Variants in STK40 observed in about 807,000 individuals in gnomAD.
STK40 encodes the protein serine/threonine kinase 40.
Under a neutral mutation model 47.9 loss-of-function variants are expected in STK40, and 13 were observed. The ratio of observed to expected loss-of-function variants is 0.27; its 90% confidence interval spans 0.18 to 0.43. The LOEUF (loss-of-function observed/expected upper bound fraction) is 0.43. Ranked by LOEUF, STK40 falls within the 20% of genes least tolerant of loss-of-function variation. STK40 has a pLI of 1.00. For synonymous variants in STK40, 225 were observed against 243.2 expected (o/e 0.93, Z 0.69); for missense variants, 460 against 595.1 (o/e 0.77, Z 2.36).
chr1:36,358,347 T>C lies in STK40; in HGVS notation c.234A>G (p.Ile78Met), dbSNP rs770896484. 1 of 1,608,504 alleles carries C rather than the reference T, an allele frequency of 6.2e-7. No homozygotes were observed. Among genetic ancestry groups the C allele is most frequent in the South Asian group, 1.1e-5 (1 of 90,956 alleles). ...TGCCCTGCCGCTCTTCCTGGCTCTC[T>C]ATGCCTTGGTCCCCCCTCTCCTCCA... is the stretch of plus-strand genomic sequence containing the variant. ...LTLEERGDQG[I>M]ESQEERQGKM... The change falls in exon 4 of 11, where the codon ATA becomes ATG. Residue 78 changes from isoleucine (I) to methionine (M), a missense_variant. By Grantham distance (10) the Ile-to-Met change is conservative. Coordinates refer to ENST00000373132, the MANE Select transcript of STK40 (RefSeq NM_001282547.2).
At chr1:36,351,826 T>A (rs987750678) in intron 6 of STK40, among the ~76,000 whole-genome samples, 14 of 152,208 alleles carry the variant, frequency 9.2e-5, no homozygotes, top group Admixed American at 3.9e-4. Flanking sequence ...TTAGCAGGCA[T>A]GAGCCCGGCA....
intron 1 of STK40, among the ~76,000 whole-genome samples, chr1:36,363,912 G>T (rs570613872): frequency 6.6e-6 from 1 of 152,092 alleles, no homozygotes; most frequent in Admixed American, 6.6e-5. Context: ...AGCACTTTGG[G>T]AGGCCAAGGA....
chr1:36,367,234 G>A (rs1238921191), intron 1 of STK40, among the ~76,000 whole-genome samples: 1 of 152,090 alleles, frequency 6.6e-6, no homozygotes, highest in Non-Finnish European at 1.5e-5. Context: ...CAACAATGAG[G>A]GTGAGGGGAG....
intron 7 of STK40, among the ~76,000 whole-genome samples, chr1:36,348,413 TCA>T (rs1409776528): frequency 6.6e-6 from 1 of 152,236 alleles, no homozygotes; most frequent in Non-Finnish European, 1.5e-5. Flanking sequence ...AGCTCAACTG[TCA>T]CACCTTGTGG....
chr1:36,381,366 T>A (rs1647037754), intron 1 of STK40, among the ~76,000 whole-genome samples: 1 of 152,354 alleles, frequency 6.6e-6, no homozygotes, highest in East Asian at 1.9e-4. Flanking sequence ...CTAGAACTCC[T>A]GTGGTTCCTA....
intron 1 of STK40, among the ~76,000 whole-genome samples, chr1:36,381,881 C>CTA (rs1356564987): frequency 2.0e-5 from 3 of 152,134 alleles, no homozygotes; most frequent in Non-Finnish European, 4.4e-5. Flanking sequence ...CCCCCACATG[C>CTA]TATAGACTTC....
rs949864906 is a variant in STK40, at chr1:36,344,261, C to T, written c.743G>A (p.Arg248Gln). The change falls in exon 8 of 11, where the codon CGG (arginine) becomes CAG (glutamine). Residue 248 changes from arginine (R) to glutamine (Q), a missense_variant. This residue lies in a region of STK40 where 277 missense variants were observed against 358.7 expected (regional missense o/e 0.77). Coordinates refer to ENST00000373132, the MANE Select transcript of STK40 (RefSeq NM_001282547.2). ...GTCACTGGGCTTGCCACGGTACGGC[C>T]GGCCTACGGGCACACACATACCACA... ...AYISPDVLSG[R>Q]PYRGKPSDMW... The T allele has an allele frequency of 4.4e-6, 7 of 1,598,902 alleles. No individual in the cohort carries two copies. The highest frequency in any genetic ancestry group is 2.2e-5 in the East Asian group (1 of 44,820).
Position 36,383,253 on chromosome 1 carries a change from C to T in STK40, c.-9+2470G>A, listed in dbSNP as rs1647056069. Among the ~76,000 whole-genome samples, 5 of 152,352 alleles carry T rather than the reference C, an allele frequency of 3.3e-5. 2 individuals carry two copies. The South Asian group carries it at 1.0e-3, about 32-fold the overall frequency. On this transcript the variant is annotated intron_variant, in intron 1 of 10. Coordinates refer to ENST00000373132, the MANE Select transcript of STK40 (RefSeq NM_001282547.2). ...GCCATCATACCCGGCCTCAAATAAC[C>T]TCTTAACTATTACAATCTACTGCCT...
At chr1:36,363,692 G>A (rs1000000046) in intron 1 of STK40, among the ~76,000 whole-genome samples, 3 of 151,092 alleles carry the variant, frequency 2.0e-5, no homozygotes, top group African/African-American at 7.3e-5. Context: ...GCGGGCCCCT[G>A]TAGTCCCAGC....
At chr1:36,344,014 G>A in intron 8 of STK40, 35 bp from the exon 9 acceptor site, 1 of 1,594,508 alleles carries the variant, frequency 6.3e-7, no homozygotes, top group Non-Finnish European at 8.6e-7. Context: ...GGCTCAGTGG[G>A]TGGTGCTGGG....
intron 1 of STK40, among the ~76,000 whole-genome samples, chr1:36,376,036 A>AC (rs952651404): frequency 6.6e-6 from 1 of 152,162 alleles, no homozygotes; most frequent in African/African-American, 2.4e-5. Flanking sequence ...AAAAAAAAAA[A>AC]ATTCACGACT....
intron 1 of STK40, among the ~76,000 whole-genome samples, chr1:36,367,011 T>G (rs995412631): frequency 1.3e-5 from 2 of 151,090 alleles, no homozygotes; most frequent in Admixed American, 6.6e-5. Context: ...ATTTTTTTTT[T>G]TTTTTTTTGT....
chr1:36,367,221 A>G (rs1646910380), intron 1 of STK40, among the ~76,000 whole-genome samples: 1 of 152,090 alleles, frequency 6.6e-6, no homozygotes, highest in Admixed American at 6.5e-5. Flanking sequence ...AAGCTCAGAG[A>G]GGCAACAATG....
rs1646822376 is a variant in STK40, at chr1:36,358,281, C to A, written c.300G>T (p.Leu100=). The A allele has an allele frequency of 6.2e-7, 1 of 1,605,760 alleles. No individual in the cohort carries two copies. Among genetic ancestry groups the A allele is most frequent in the Non-Finnish European group, 8.5e-7 (1 of 1,173,070 alleles). Residue 100 remains leucine (L), a synonymous_variant, in exon 4 of 11, where the codon CTG becomes CTT. Coordinates refer to ENST00000373132, the MANE Select transcript of STK40 (RefSeq NM_001282547.2). ...LHTEYSLLSL[L]HTQDGVVHHH... The stretch of plus-strand genomic sequence containing the variant: ...GGTGCACCACGCCATCCTGCGTGTG[C>A]AGGAGAGACAGCAGTGAGTACTCGG...
In STK40 at chr1:36,343,380, G is replaced by A. The variant is rs534849916; in HGVS notation, c.1073C>T (p.Ala358Val). The A allele has an allele frequency of 2.3e-5, 37 of 1,613,116 alleles. No homozygotes were observed. The highest frequency in any genetic ancestry group is 1.7e-4 in the South Asian group (15 of 90,742). Residue 358 changes from alanine to valine, a missense_variant, in exon 10 of 11, where the codon GCG becomes GTG. This residue lies in a region of STK40 where 181 missense variants were observed against 218.9 expected (regional missense o/e 0.83). Transcript: ENST00000373132. The stretch of plus-strand genomic sequence containing the variant: ...CCAACTCACCTCCTGGGAGCTATCC[G>A]CATTGCTCATTTGGTCATCAATGTC... ...VPDIDDQMSN[A>V]DSSQEAKVTE...
chr1:36,381,368 T>C (rs1647037771), intron 1 of STK40, among the ~76,000 whole-genome samples: 1 of 152,216 alleles, frequency 6.6e-6, no homozygotes, highest in Non-Finnish European at 1.5e-5. Flanking sequence ...AGAACTCCTG[T>C]GGTTCCTAAA....
At position 36,341,600 on chromosome 1, in the gene STK40, G is replaced by T; in HGVS notation, c.*155C>A. 1 of 833,036 alleles carries T rather than the reference G, an allele frequency of 1.2e-6. No individual in the cohort carries two copies. The highest frequency in any genetic ancestry group is 2.8e-5 in the Admixed American group (1 of 35,312). The allele number at this position is 833,036 out of a possible 1,614,324, so 51.6% of individuals were successfully genotyped here. A position where few individuals can be genotyped will look rare whatever the true frequency, so the allele number is the denominator to read the frequency against. Reference sequence around the variant, plus strand: ...CAAAAGGTAGCTTCGTGGTACCTCTGCTGACCCCACGTGTGACCTGGGCTG... The same window carrying T: ...CAAAAGGTAGCTTCGTGGTACCTCTTCTGACCCCACGTGTGACCTGGGCTG... On this transcript the variant is annotated 3_prime_UTR_variant, in exon 11 of 11. Transcript: ENST00000373132.
chr1:36,354,339 A>G, intron 6 of STK40, 25 bp downstream of exon 6: 1 of 1,613,346 alleles, frequency 6.2e-7, no homozygotes, highest in Non-Finnish European at 8.5e-7. Context: ...GGGTAACTGT[A>G]TGGATGTAGA....
At chr1:36,346,215 C>G (rs189069141) in intron 7 of STK40, among the ~76,000 whole-genome samples, 2 of 151,536 alleles carry the variant, frequency 1.3e-5, no homozygotes, top group Non-Finnish European at 2.9e-5. Context: ...AGGATGGTCT[C>G]GATCTCCTGA....
Sources: gnomAD v4.1 joint callset for allele counts (sites outside exome capture counted in the v4.1 genomes callset) on GRCh38, gnomAD v4.1.1 for gene constraint, gnomAD v4.1.1 regional missense constraint, MANE v1.5 for transcripts, NCBI Gene and HGNC (gene_info 2026-07-23, HGNC 2026-07-21) for gene names.